The following DPYD variants were observed in gnomAD, a reference collection of about 807,000 sequenced individuals.
The protein encoded by DPYD is dihydropyrimidine dehydrogenase [NADP(+)].
Under a neutral mutation model 116.2 loss-of-function variants are expected in DPYD, and 109 were observed. The observed-to-expected ratio is 0.94, with a 90% confidence interval of 0.80 to 1.10. The LOEUF is 1.10. Ranked by LOEUF, DPYD falls within the 50% of genes least tolerant of loss-of-function variation. The pLI is 0.00. For missense variants in DPYD, 1,302 were observed against 1,254.5 expected (o/e 1.04, Z -0.57); for synonymous variants, 440 against 432.0 (o/e 1.02, Z -0.23).
intron 1 of DPYD, among the ~76,000 whole-genome samples, chr1:97,901,076 C>T (rs1558041753): frequency 6.6e-6 from 1 of 151,360 alleles, no homozygotes; most frequent in Non-Finnish European, 1.5e-5. Flanking sequence ...TTTGGTAATA[C>T]CTGATGTTGA....
At chr1:97,658,582 TTAAATAA>T (rs546717210) in intron 8 of DPYD, among the ~76,000 whole-genome samples, 1 of 152,082 alleles carries the variant, frequency 6.6e-6, no homozygotes, top group Non-Finnish European at 1.5e-5. Context: ...GAATTTAGAC[TTAAATAA>T]TAATTAATTA....
intron 14 of DPYD, among the ~76,000 whole-genome samples, chr1:97,441,593 A>T (rs1296310498): frequency 1.3e-5 from 2 of 152,146 alleles, no homozygotes; most frequent in Non-Finnish European, 2.9e-5. Context: ...CTTTTTGAAC[A>T]TAAGGAATAT....
rs116846904 is a variant in DPYD, at chr1:97,606,901, C to T, written c.851-11735G>A. ...ATGGCATTGCAGGGGGTATCCATAG[C>T]TTAGTATAAACACAGCTTACCCTCC... On this transcript the variant is annotated intron_variant, in intron 8 of 22. Coordinates refer to ENST00000370192, the MANE Select transcript of DPYD (RefSeq NM_000110.4). Among the ~76,000 whole-genome samples the T allele has an allele frequency of 1.9e-4, 29 of 151,986 alleles. No homozygotes were observed. In the East Asian group the frequency reaches 5.4e-3, roughly 28 times the overall value.
At chr1:97,718,130 AT>A (rs1457704751) in intron 5 of DPYD, among the ~76,000 whole-genome samples, 15 of 152,042 alleles carry the variant, frequency 9.9e-5, no homozygotes, top group African/African-American at 3.4e-4. Context: ...GCCAACATCT[AT>A]TATTTTTTGA....
chr1:97,414,778 G>A (rs928688045), intron 14 of DPYD, among the ~76,000 whole-genome samples: 6 of 152,280 alleles, frequency 3.9e-5, no homozygotes, highest in East Asian at 1.9e-4. Context: ...CTTACTAGGC[G>A]TCCTAGCAGT....
Position 97,865,760 on chromosome 1 carries a change from C to T in DPYD, c.150+17504G>A, listed in dbSNP as rs115709267. Reference sequence around the variant, plus strand: ...AAGACTGAGCAACAGCAATTCTGATCGAACCATGCCCTAAATGTCTCTGCC... The same window carrying T: ...AAGACTGAGCAACAGCAATTCTGATTGAACCATGCCCTAAATGTCTCTGCC... On this transcript the variant is annotated intron_variant, in intron 2 of 22. Transcript: ENST00000370192. 5.5e-3 allele frequency among the ~76,000 whole-genome samples: 833 copies of T among 151,996 alleles called. 8 individuals are homozygous for T. Among genetic ancestry groups the T allele is most frequent in the African/African-American group, 0.018 (740 of 41,494 alleles).
intron 16 of DPYD, among the ~76,000 whole-genome samples, chr1:97,338,744 A>G (rs1271270273): frequency 6.6e-6 from 1 of 152,180 alleles, no homozygotes; most frequent in African/African-American, 2.4e-5. Flanking sequence ...AGCTCACCAG[A>G]CAAAATTGCC....
chr1:97,136,142 A>G (rs1437057238), intron 20 of DPYD, among the ~76,000 whole-genome samples: 1 of 152,084 alleles, frequency 6.6e-6, no homozygotes, highest in East Asian at 1.9e-4. Flanking sequence ...CCATTTATTC[A>G]CTTTCTGCTT....
At chr1:97,591,140 C>T (rs1269892845) in intron 10 of DPYD, among the ~76,000 whole-genome samples, 1 of 152,176 alleles carries the variant, frequency 6.6e-6, no homozygotes, top group Non-Finnish European at 1.5e-5. Context: ...TACTTTCCCT[C>T]AACTTCCTCA....
At chr1:97,786,259 T>C (rs761168885) in intron 3 of DPYD, among the ~76,000 whole-genome samples, 1 of 152,294 alleles carries the variant, frequency 6.6e-6, no homozygotes, top group Non-Finnish European at 1.5e-5. Flanking sequence ...TCTAACAAAC[T>C]TGATGATTGG....
intron 16 of DPYD, among the ~76,000 whole-genome samples, chr1:97,335,616 A>C (rs749301841): frequency 6.6e-6 from 1 of 152,156 alleles, no homozygotes; most frequent in Non-Finnish European, 1.5e-5. Context: ...AAGATGTCAA[A>C]ACTCAAAGAG....
chr1:97,579,028 T>C (rs1653461088), intron 10 of DPYD, among the ~76,000 whole-genome samples: 1 of 152,252 alleles, frequency 6.6e-6, no homozygotes, highest in Non-Finnish European at 1.5e-5. Flanking sequence ...CAACACTCTT[T>C]AGAGGAAGAA....
intron 11 of DPYD, among the ~76,000 whole-genome samples, chr1:97,564,082 CA>C (rs1399108403): frequency 2.6e-5 from 4 of 152,142 alleles, no homozygotes; most frequent in African/African-American, 9.7e-5. Flanking sequence ...AAAGGCAAAG[CA>C]CTGTACAAAG....
At chr1:97,660,644 A>G (rs932293738) in intron 8 of DPYD, among the ~76,000 whole-genome samples, 1 of 151,994 alleles carries the variant, frequency 6.6e-6, no homozygotes, top group Non-Finnish European at 1.5e-5. Flanking sequence ...CCTCCCCACC[A>G]ACCTTTAGAT....
chr1:97,408,914 C>A (rs1673821733), intron 14 of DPYD, among the ~76,000 whole-genome samples: 1 of 152,118 alleles, frequency 6.6e-6, no homozygotes, highest in African/African-American at 2.4e-5. Context: ...TTACACTATT[C>A]ATTTGTCAGG....
chr1:97,699,223 G>A, intron 6 of DPYD, 128 bp downstream of exon 6: 1 of 1,028,206 alleles, frequency 9.7e-7, no homozygotes, highest in Non-Finnish European at 1.4e-6. Flanking sequence ...TTGAACATTT[G>A]GAAAAAGAAC....
intron 18 of DPYD, among the ~76,000 whole-genome samples, chr1:97,274,213 A>C (rs975190251): frequency 2.6e-5 from 4 of 152,156 alleles, no homozygotes; most frequent in Non-Finnish European, 5.9e-5. Flanking sequence ...TCCAAATCTC[A>C]GGTTGAAATG....
At chr1:97,680,533 C>A (rs991676723) in intron 7 of DPYD, among the ~76,000 whole-genome samples, 1 of 152,164 alleles carries the variant, frequency 6.6e-6, no homozygotes, top group Admixed American at 6.6e-5. Context: ...ATACTCCTTC[C>A]ACTCCAATTA....
At chr1:97,250,895 A>G in intron 18 of DPYD, among the ~76,000 whole-genome samples, 1 of 152,196 alleles carries the variant, frequency 6.6e-6, no homozygotes, top group East Asian at 1.9e-4. Flanking sequence ...ATCTGAACAT[A>G]TATCATATCT....
Sources: allele counts gnomAD v4.1 joint callset (sites outside exome capture counted in the v4.1 genomes callset), GRCh38; gene constraint gnomAD v4.1.1; transcripts MANE v1.5; gene names NCBI Gene and HGNC (gene_info 2026-07-23, HGNC 2026-07-21).